Variants in PTBP2 observed in about 807,000 individuals in gnomAD.
PTBP2 encodes polypyrimidine tract binding protein 2, also known as polypyrimidine tract-binding protein 2.
A neutral mutation model predicts 61.4 loss-of-function variants in PTBP2; 13 were observed. That is an observed-to-expected ratio of 0.21 (90% confidence interval 0.14 to 0.34). PTBP2 has a LOEUF of 0.34. Ranked by LOEUF, PTBP2 falls within the 10% of genes least tolerant of loss-of-function variation. The pLI, the probability that PTBP2 is intolerant of heterozygous loss-of-function variation, is 1.00. For missense variants in PTBP2, 405 were observed against 642.6 expected (o/e 0.63, Z 4.00); for synonymous variants, 215 against 218.5 (o/e 0.98, Z 0.14).
intron 11 of PTBP2, among the ~76,000 whole-genome samples, chr1:96,807,930 TTCTC>T (rs1054014244): frequency 6.6e-6 from 1 of 152,222 alleles, no homozygotes; most frequent in African/African-American, 2.4e-5. Context: ...ATTTTCCTCT[TTCTC>T]TGTGTGCACT....
exon 14 of PTBP2, chr1:96,822,834 G>C (rs1662725753): frequency 6.6e-6 from 1 of 152,108 alleles, no homozygotes; most frequent in Non-Finnish European, 1.5e-5. Context: ...CAAAACCATG[G>C]AAGAAACATG....
intron 3 of PTBP2, among the ~76,000 whole-genome samples, chr1:96,766,084 A>G (rs1656672524): frequency 6.6e-6 from 1 of 152,180 alleles, no homozygotes; most frequent in Non-Finnish European, 1.5e-5. Flanking sequence ...CAGCAGGAGA[A>G]AAGTGATGTA....
intron 3 of PTBP2, among the ~76,000 whole-genome samples, chr1:96,758,033 T>G (rs1271980848): frequency 1.3e-5 from 2 of 152,072 alleles, no homozygotes; most frequent in African/African-American, 4.8e-5. Flanking sequence ...ATAATCACTT[T>G]CAGAGAAAGT....
chr1:96,798,739 A>G (rs1660647946), intron 8 of PTBP2, among the ~76,000 whole-genome samples: 1 of 152,182 alleles, frequency 6.6e-6, no homozygotes, highest in South Asian at 2.1e-4. Context: ...ATTTATCGAT[A>G]TTGGTTGATT....
intron 2 of PTBP2, among the ~76,000 whole-genome samples, chr1:96,729,383 CT>C (rs1448411516): frequency 6.6e-6 from 1 of 152,114 alleles, no homozygotes; most frequent in Non-Finnish European, 1.5e-5. Context: ...AGTTTTCTTT[CT>C]TTTCTATCTG....
intron 2 of PTBP2, among the ~76,000 whole-genome samples, chr1:96,728,320 G>A (rs934396544): frequency 1.5e-4 from 23 of 152,260 alleles, no homozygotes; most frequent in African/African-American, 5.3e-4. Flanking sequence ...TTATACTTTG[G>A]TTTAACATTT....
intron 8 of PTBP2, among the ~76,000 whole-genome samples, chr1:96,791,094 T>C (rs2101100505): frequency 6.6e-6 from 1 of 152,278 alleles, no homozygotes; most frequent in South Asian, 2.1e-4. Flanking sequence ...TTTTGTCGTA[T>C]GTGTACTTTT....
intron 7 of PTBP2, among the ~76,000 whole-genome samples, chr1:96,783,297 A>G (rs1470455174): frequency 2.0e-5 from 3 of 151,842 alleles, no homozygotes; most frequent in African/African-American, 7.3e-5. Context: ...ATTAATTTAC[A>G]TCTTGTTTGC....
intron 7 of PTBP2, among the ~76,000 whole-genome samples, chr1:96,783,078 T>C (rs899821179): frequency 1.3e-5 from 2 of 152,190 alleles, no homozygotes; most frequent in African/African-American, 4.8e-5. Flanking sequence ...TCCTGATTGC[T>C]GAACCACAGG....
At chr1:96,724,546 T>G (rs12042051) in intron 2 of PTBP2, among the ~76,000 whole-genome samples, 1 of 152,228 alleles carries the variant, frequency 6.6e-6, no homozygotes, top group East Asian at 1.9e-4. Flanking sequence ...ATTACAAGTG[T>G]GAGCCACCGT....
intron 8 of PTBP2, among the ~76,000 whole-genome samples, chr1:96,804,056 A>G (rs1342709067): frequency 1.3e-5 from 2 of 152,214 alleles, no homozygotes; most frequent in Non-Finnish European, 2.9e-5. Context: ...GTAGGACAGC[A>G]ATAAGACTGG....
chr1:96,815,462 A>G (rs1390947403), downstream of PTBP2: 3 of 152,142 alleles, frequency 2.0e-5, no homozygotes, highest in Admixed American at 2.0e-4. Flanking sequence ...GCATTTAACA[A>G]CTGAGGATGT....
At chr1:96,736,247 G>T (rs1652152167) in intron 2 of PTBP2, among the ~76,000 whole-genome samples, 1 of 152,184 alleles carries the variant, frequency 6.6e-6, no homozygotes, top group Non-Finnish European at 1.5e-5. Context: ...GAAAGCCAAT[G>T]ACACCAGAAA....
At chr1:96,762,929 A>G (rs1359534551) in intron 3 of PTBP2, among the ~76,000 whole-genome samples, 1 of 145,032 alleles carries the variant, frequency 6.9e-6, no homozygotes, top group Non-Finnish European at 1.5e-5. Context: ...GGCGCTCCTC[A>G]CATCCCAGAC....
intron 3 of PTBP2, among the ~76,000 whole-genome samples, chr1:96,755,877 T>G (rs1570803882): frequency 6.6e-6 from 1 of 151,618 alleles, no homozygotes; most frequent in South Asian, 2.1e-4. Context: ...AACTCGGGAG[T>G]GATGGACATA....
chr1:96,746,059 C>A (rs1164457068), intron 2 of PTBP2, among the ~76,000 whole-genome samples: 1 of 144,832 alleles, frequency 6.9e-6, no homozygotes. Context: ...GACTGAGACT[C>A]CATCTCAAAA....
intron 2 of PTBP2, among the ~76,000 whole-genome samples, chr1:96,730,860 T>C (rs1651298260): frequency 6.6e-6 from 1 of 152,242 alleles, no homozygotes; most frequent in African/African-American, 2.4e-5. Context: ...ATTTGTTTTC[T>C]AACTTTCAGG....
At position 96,766,292 on chromosome 1, in the gene PTBP2, C is replaced by T. The variant is rs10157738; in HGVS notation, c.116-3411C>T. Among the ~76,000 whole-genome samples the T allele has an allele frequency of 6.7e-3, 1,019 of 152,310 alleles. 16 individuals carry two copies. Among genetic ancestry groups the T allele is most frequent in the African/African-American group, 0.023 (974 of 41,552 alleles). On this transcript the variant is annotated intron_variant, in intron 3 of 13. Coordinates refer to ENST00000674951, the MANE Select transcript of PTBP2 (RefSeq NM_021190.4). ...AAATGGTGTGCTTAAAGATTTTTTACATTCATATACAATGAATAAAATTTA... is the reference window on the plus strand; with the variant it reads ...AAATGGTGTGCTTAAAGATTTTTTATATTCATATACAATGAATAAAATTTA...
intron 1 of PTBP2, 24 bp downstream of exon 1, chr1:96,721,896 GGT>G (rs1649606773): frequency 1.3e-6 from 2 of 1,572,806 alleles, no homozygotes; most frequent in Admixed American, 1.9e-5. Context: ...CCGGCGAGAA[GGT>G]GTGTGTGAGA....
Sources: allele counts gnomAD v4.1 joint callset (sites outside exome capture counted in the v4.1 genomes callset), GRCh38; gene constraint gnomAD v4.1.1; transcripts MANE v1.5; gene names NCBI Gene and HGNC (gene_info 2026-07-23, HGNC 2026-07-21).